PTCHD4: variants seen among roughly 807,000 people sequenced by gnomAD.
The protein encoded by PTCHD4 is patched domain containing 4.
In PTCHD4, 33 loss-of-function variants were observed where a neutral mutation model predicts 58.1. The ratio of observed to expected loss-of-function variants is 0.57; its 90% CI spans 0.43 to 0.76. The LOEUF (loss-of-function observed/expected upper bound fraction) is 0.76. PTCHD4 is among the 30% of genes least tolerant of loss of function. PTCHD4 has a pLI of 0.00. For synonymous variants in PTCHD4, 478 were observed against 409.6 expected (o/e 1.17, Z -2.02); for missense variants, 1,058 against 1,027.1 (o/e 1.03, Z -0.41).
rs1176953913 is a variant in PTCHD4 at position 47,879,879 on chromosome 6, T to C, written c.956A>G (p.Asn319Ser). The change falls in exon 5 of 5, where the codon AAC becomes AGC. Residue 319 changes from asparagine (N) to serine (S), a missense_variant. Physicochemically the swap from Asn to Ser is conservative, Grantham distance 46. Transcript: ENST00000339488. Reference protein sequence around the residue: ...LLSGWRRTKENLPFKDRIADA... With the variant: ...LLSGWRRTKESLPFKDRIADA... Reference sequence around the variant, plus strand: ...TGCTATCCTGTCTTTGAAGGGCAAGTTCTCTTTGGTTCTCCGCCATCCGGA... The same window carrying C: ...TGCTATCCTGTCTTTGAAGGGCAAGCTCTCTTTGGTTCTCCGCCATCCGGA... 4 of 1,590,116 alleles carry C rather than the reference T, an allele frequency of 2.5e-6. No individual in the cohort carries two copies. The Admixed American group carries it at 7.2e-5, about 29-fold the overall frequency.
At chr6:47,946,348 G>A (rs564530508) in intron 4 of PTCHD4, among the ~76,000 whole-genome samples, 2 of 151,950 alleles carry the variant, frequency 1.3e-5, no homozygotes, top group Admixed American at 6.6e-5. Flanking sequence ...TGCCAGTTTT[G>A]GCTTTATACA....
intron 4 of PTCHD4, among the ~76,000 whole-genome samples, chr6:47,892,808 G>T (rs1450231737): frequency 6.6e-6 from 1 of 152,152 alleles, no homozygotes; most frequent in Non-Finnish European, 1.5e-5. Context: ...TGAATGTTTT[G>T]TGGCCTTTCT....
At position 47,879,085 on chromosome 6, in the gene PTCHD4, G is replaced by T. The variant is rs142739489; in HGVS notation, c.1750C>A (p.His584Asn). 5.2e-4 allele frequency: 840 copies of T among 1,613,208 alleles called. 1 individual carries two copies. The highest frequency in any genetic ancestry group is 6.6e-4 in the Non-Finnish European group (784 of 1,179,714). Residue 584 changes from histidine to asparagine, a missense_variant, in exon 5 of 5, where the codon CAT (histidine) becomes AAT (asparagine). Transcript: ENST00000339488. ...GAGAAGATGATATCATTTCGAAAAT[G>T]CTGGAATTCTGGCTTTTTTAAAAAT... ...SSFLKKPEFQ[H>N]FRNDIIFSKA...
rs1765599142 is a variant in PTCHD4, at chr6:48,101,395, C to T, written c.-970+9654G>A. Among the ~76,000 whole-genome samples the T allele has an allele frequency of 2.6e-5, 4 of 152,146 alleles. No homozygotes were observed. The South Asian group carries it at 8.3e-4, about 32-fold the overall frequency. Reference sequence around the variant, plus strand: ...CAGTTTAACATATGCTAAAGCAAACCCAGTGAACTATATAAGGACTAGTAG... The same window carrying T: ...CAGTTTAACATATGCTAAAGCAAACTCAGTGAACTATATAAGGACTAGTAG... On this transcript the variant is annotated intron_variant, in intron 1 of 4. Transcript: ENST00000339488.
chr6:47,933,006 A>C (rs538000734), intron 4 of PTCHD4, among the ~76,000 whole-genome samples: 2 of 152,320 alleles, frequency 1.3e-5, no homozygotes, highest in South Asian at 4.1e-4. Flanking sequence ...ATGACACATA[A>C]TGTAGGCCAC....
chr6:47,937,425 G>A (rs1296485889), intron 4 of PTCHD4, among the ~76,000 whole-genome samples: 1 of 152,188 alleles, frequency 6.6e-6, no homozygotes, highest in Non-Finnish European at 1.5e-5. Context: ...AAGAGAGCTG[G>A]TAAGGATTAT....
At chr6:47,961,174 A>G (rs1225625766) in intron 4 of PTCHD4, among the ~76,000 whole-genome samples, 2 of 152,178 alleles carry the variant, frequency 1.3e-5, no homozygotes, top group East Asian at 3.8e-4. Context: ...TTAGAAATCA[A>G]TAACAAAAAT....
chr6:47,969,657 G>A (rs1438531681), intron 4 of PTCHD4, among the ~76,000 whole-genome samples: 1 of 152,030 alleles, frequency 6.6e-6, no homozygotes, highest in Non-Finnish European at 1.5e-5. Flanking sequence ...ATAACTATTA[G>A]AAGGAAATAT....
intron 3 of PTCHD4, among the ~76,000 whole-genome samples, chr6:48,029,787 A>G (rs1763372021): frequency 6.6e-6 from 1 of 152,160 alleles, no homozygotes; most frequent in East Asian, 1.9e-4. Flanking sequence ...GGTTTTGACT[A>G]GAGTATTATA....
intron 4 of PTCHD4, among the ~76,000 whole-genome samples, chr6:48,007,388 G>T (rs1762481681): frequency 6.6e-6 from 1 of 152,126 alleles, no homozygotes; most frequent in South Asian, 2.1e-4. Flanking sequence ...TGCTAAGGTT[G>T]AAAAAGAAAG....
Position 48,069,056 on chromosome 6 carries a change from A to G in PTCHD4, c.-99T>C, listed in dbSNP as rs1402403009. Among the ~76,000 whole-genome samples, 1 of 134,506 alleles carries G rather than the reference A, an allele frequency of 7.4e-6. No individual in the cohort carries two copies. The highest frequency in any genetic ancestry group is 1.5e-5 in the Non-Finnish European group (1 of 64,594). 88.2% of individuals were successfully genotyped at this position (134,506 alleles called of 152,430 possible). A position where few individuals can be genotyped will look rare whatever the true frequency, so the allele number is the denominator to read the frequency against. On this transcript the variant is annotated 5_prime_UTR_variant, in exon 2 of 5. Transcript: ENST00000339488. ...CGTGTGGAGCGTCCCACAGATGTGG[A>G]TTTCCTCTCTGTCTTGGTGGGGTTC...
intron 4 of PTCHD4, among the ~76,000 whole-genome samples, chr6:47,899,199 G>C (rs1380840141): frequency 6.6e-6 from 1 of 152,200 alleles, no homozygotes; most frequent in Non-Finnish European, 1.5e-5. Flanking sequence ...TGCATAGTTA[G>C]ATATTTCTTA....
chr6:47,933,269 A>G lies in PTCHD4; in HGVS notation c.899-53333T>C, dbSNP rs553757881. Among the ~76,000 whole-genome samples the G allele has an allele frequency of 3.3e-5, 5 of 152,340 alleles. No homozygotes were observed. The South Asian group carries it at 8.3e-4, about 25-fold the overall frequency. On this transcript the variant is annotated intron_variant, in intron 4 of 4. Transcript: ENST00000339488. Reference sequence around the variant, plus strand: ...ACTGTGAGCTCCATAGGTGCTTTCAATAACTTCAGATGCATTTTCTAAGAG... The same window carrying G: ...ACTGTGAGCTCCATAGGTGCTTTCAGTAACTTCAGATGCATTTTCTAAGAG...
intron 1 of PTCHD4, among the ~76,000 whole-genome samples, chr6:48,091,863 T>A (rs1765372098): frequency 6.6e-6 from 1 of 152,072 alleles, no homozygotes; most frequent in South Asian, 2.1e-4. Context: ...TTGGCTAGGC[T>A]GGTCTCGAAC....
rs1009115994 is a variant in PTCHD4, at chr6:47,859,867, G to C, written c.*18436C>G. 6.6e-6 allele frequency among the ~76,000 whole-genome samples: 1 copy of C among 151,960 alleles called. No homozygotes were observed. The highest frequency in any genetic ancestry group is 2.4e-5 in the African/African-American group (1 of 41,398). On this transcript the variant is annotated 3_prime_UTR_variant, in exon 5 of 5. Coordinates refer to ENST00000339488, the MANE Select transcript of PTCHD4 (RefSeq NM_001384253.1). ...GGAAGAAGAGCATTCAGGGTGGTGG[G>C]AACTGCAATGACAAAAGACCAAAGG...
rs74716094 is a variant in PTCHD4 at position 47,926,244 on chromosome 6, A to G, written c.899-46308T>C. Among the ~76,000 whole-genome samples, 407 of 152,316 alleles carry G rather than the reference A, an allele frequency of 2.7e-3. 1 individual carries two copies. Among genetic ancestry groups the G allele is most frequent in the Non-Finnish European group, 4.2e-3 (283 of 68,034 alleles). On this transcript the variant is annotated intron_variant, in intron 4 of 4. Coordinates refer to ENST00000339488, the MANE Select transcript of PTCHD4 (RefSeq NM_001384253.1). Reference sequence around the variant, plus strand: ...TAGATGTCTCCCTTGACACTCTTATACAAATATATTTTCTCCAAAGAGCTT... The same window carrying G: ...TAGATGTCTCCCTTGACACTCTTATGCAAATATATTTTCTCCAAAGAGCTT...
intron 3 of PTCHD4, among the ~76,000 whole-genome samples, chr6:48,062,399 CAGATAAGCTGAAGATAAGTAA>C (rs1764661680): frequency 6.6e-6 from 1 of 152,136 alleles, no homozygotes; most frequent in Non-Finnish European, 1.5e-5. Flanking sequence ...AAACTATCAT[CAGATAAGCTGAAGATAAGTAA>C]ATGGGAAGAA....
Position 48,002,623 on chromosome 6 carries a change from G to C in PTCHD4, c.898+6011C>G, listed in dbSNP as rs537487160. On this transcript the variant is annotated intron_variant, in intron 4 of 4. Transcript: ENST00000339488. ...GGGGCCTGTTGTGGGGTGGGGGTAG[G>C]GGGGAGGGATAGCATTAGGAGATAT... is the stretch of plus-strand genomic sequence containing the variant. 4.5e-3 allele frequency among the ~76,000 whole-genome samples: 690 copies of C among 151,978 alleles called. 2 individuals are homozygous for C. The highest frequency in any genetic ancestry group is 8.1e-3 in the Non-Finnish European group (553 of 67,982).
In PTCHD4 at chr6:47,859,732, T is replaced by C. The variant is rs1266756315; in HGVS notation, c.*18571A>G. ...ACAAATATGAAAGAAGGGAGGAGAT[T>C]TACTATATTTTCATGAGATTGTCAG... On this transcript the variant is annotated 3_prime_UTR_variant, in exon 5 of 5. Transcript: ENST00000339488. Among the ~76,000 whole-genome samples, 1 of 151,898 alleles carries C rather than the reference T, an allele frequency of 6.6e-6. No homozygotes were observed. The highest frequency in any genetic ancestry group is 2.4e-5 in the African/African-American group (1 of 41,394).
Sources: allele counts gnomAD v4.1 joint callset (sites outside exome capture counted in the v4.1 genomes callset), GRCh38; gene constraint gnomAD v4.1.1; transcripts MANE v1.5; gene names NCBI Gene and HGNC (gene_info 2026-07-23, HGNC 2026-07-21).